Variants in GPC1 observed in about 807,000 individuals in gnomAD.
GPC1 encodes the protein glypican-1.
A neutral mutation model predicts 51.5 loss-of-function variants in GPC1; 26 were observed. The observed-to-expected ratio is 0.50, with a 90% confidence interval of 0.37 to 0.70. GPC1 has a LOEUF of 0.70. GPC1 is among the 30% of genes least tolerant of loss of function. The probability of loss-of-function intolerance (pLI) is 0.00; values close to 1 mark genes in which losing one functional copy is unlikely to be tolerated. For synonymous variants in GPC1, 380 were observed against 348.3 expected, an observed-to-expected ratio of 1.09 and a Z score of -1.01; for missense variants, 775 against 800.5, an observed-to-expected ratio of 0.97 and a Z score of 0.38.
At chr2:240,453,303 G>GC (rs1553546569) in intron 1 of GPC1, among the ~76,000 whole-genome samples, 1 of 5,806 alleles carries the variant, frequency 1.7e-4, no homozygotes, top group Non-Finnish European at 3.4e-4. Context: ...CGGCGTCCCC[G>GC]CCCCGCTCCC....
chr2:240,456,617 T>C (rs1473292948), intron 1 of GPC1: 1 of 470,690 alleles, frequency 2.1e-6, no homozygotes, highest in African/African-American at 2.0e-5. Flanking sequence ...CCGGCTGACC[T>C]GTGCTCTCCT....
intron 4 of GPC1, chr2:240,464,146 A>G (rs1057036966): frequency 4.1e-5 from 9 of 217,100 alleles, no homozygotes; most frequent in African/African-American, 2.0e-4. Context: ...GACAAAATGC[A>G]TGAGCTTTAC....
intron 1 of GPC1, among the ~76,000 whole-genome samples, chr2:240,445,016 G>A (rs889845400): frequency 6.6e-6 from 1 of 152,194 alleles, no homozygotes; most frequent in Non-Finnish European, 1.5e-5. Flanking sequence ...TTGTCATGGA[G>A]CTTGGGACAC....
intron 1 of GPC1, chr2:240,456,200 GTGGCTGACGGCGCC>G (rs1490267958): frequency 3.9e-6 from 1 of 254,686 alleles, no homozygotes; most frequent in Non-Finnish European, 7.8e-6. Flanking sequence ...GGTGTGAGAG[GTGGCTGACGGCGCC>G]GAGGAGCCCC....
At position 240,465,699 on chromosome 2, in the gene GPC1, G is replaced by A. The variant is rs2074255752; in HGVS notation, c.1444+51G>A. The A allele has an allele frequency of 2.6e-6, 4 of 1,525,058 alleles. No homozygotes were observed. In the East Asian group the frequency reaches 6.8e-5, roughly 26 times the overall value. The allele number at this position is 1,525,058 out of a possible 1,614,324, so 94.5% of individuals were successfully genotyped here. On this transcript the variant is annotated intron_variant, in intron 8 of 8. Coordinates refer to ENST00000264039, the MANE Select transcript of GPC1 (RefSeq NM_002081.3). Reference sequence around the variant, plus strand: ...CCAAGGGGCCAGGGTTGGTGGGGGTGCCACAGGGGTGTGACTGCCCTCCGG... The same window carrying A: ...CCAAGGGGCCAGGGTTGGTGGGGGTACCACAGGGGTGTGACTGCCCTCCGG...
chr2:240,466,058 G>C lies in GPC1; in HGVS notation c.1445G>C (p.Ser482Thr). 1 of 1,605,504 alleles carries C rather than the reference G, an allele frequency of 6.2e-7. No homozygotes were observed. Among genetic ancestry groups the C allele is most frequent in the South Asian group, 1.1e-5 (1 of 90,802 alleles). ...NGNDVDFQDA[S>T]DDGSGSGSGD... ...TGCCGGAGCCTCCTCTCCTTCCCAGGTGACGACGGCAGCGGCTCGGGCAGC... is the reference window on the plus strand; with the variant it reads ...TGCCGGAGCCTCCTCTCCTTCCCAGCTGACGACGGCAGCGGCTCGGGCAGC... Residue 482 changes from serine (S) to threonine (T), a missense_variant and splice_region_variant, in exon 9 of 9, where the codon AGT (serine) becomes ACT (threonine). Coordinates refer to ENST00000264039, the MANE Select transcript of GPC1 (RefSeq NM_002081.3).
At chr2:240,456,932 C>T (rs1021832603) in intron 1 of GPC1, among the ~76,000 whole-genome samples, 1 of 152,180 alleles carries the variant, frequency 6.6e-6, no homozygotes, top group Admixed American at 6.5e-5. Context: ...CCCCAGGGCT[C>T]TCAGAGCCGG....
intron 1 of GPC1, chr2:240,458,161 C>G (rs935812115): frequency 6.7e-6 from 3 of 449,368 alleles, no homozygotes; most frequent in African/African-American, 6.1e-5. Flanking sequence ...ATTGCGGCAG[C>G]CTTCATCACA....
At chr2:240,447,082 C>T (rs562583033) in intron 1 of GPC1, among the ~76,000 whole-genome samples, 9 of 152,260 alleles carry the variant, frequency 5.9e-5, no homozygotes, top group Admixed American at 2.6e-4. Context: ...GGCTTCACCC[C>T]GTTTCTGAGT....
chr2:240,461,663 GAAGAC>G (rs899049075), intron 2 of GPC1, among the ~76,000 whole-genome samples: 74 of 152,186 alleles, frequency 4.9e-4, no homozygotes, highest in African/African-American at 1.7e-3. Context: ...GAAGCTGAGA[GAAGAC>G]AAGAAGCCTA....
intron 4 of GPC1, chr2:240,464,409 G>T: frequency 1.7e-6 from 1 of 598,062 alleles, no homozygotes. Context: ...CGTGGCACAG[G>T]TGCACACGTG....
At chr2:240,452,896 C>T (rs1201870883) in intron 1 of GPC1, 1 of 261,874 alleles carries the variant, frequency 3.8e-6, no homozygotes, top group Admixed American at 5.0e-5. Context: ...GCCCTCGTCC[C>T]CCGCTGGCTT....
rs770457512 is a variant in GPC1 at position 240,462,237 on chromosome 2, C to A, written c.372C>A (p.Ala124=). 2.5e-6 allele frequency: 4 copies of A among 1,610,254 alleles called. No individual in the cohort carries two copies. In the African/African-American group the frequency reaches 4.0e-5, roughly 16 times the overall value. The change falls in exon 3 of 9, where the codon GCC becomes GCA. Residue 124 remains alanine, a synonymous_variant. Coordinates refer to ENST00000264039, the MANE Select transcript of GPC1 (RefSeq NM_002081.3). ...LLNDSERTLQ[A]TFPGAFGELY... ...ACGACTCGGAGCGGACGCTGCAGGCCACCTTCCCCGGCGCCTTCGGAGAGC... is the reference window on the plus strand; with the variant it reads ...ACGACTCGGAGCGGACGCTGCAGGCAACCTTCCCCGGCGCCTTCGGAGAGC...
chr2:240,444,685 A>G (rs1249540311), intron 1 of GPC1, among the ~76,000 whole-genome samples: 1 of 152,144 alleles, frequency 6.6e-6, no homozygotes, highest in African/African-American at 2.4e-5. Context: ...TGCGTCACAG[A>G]GCTGTGGCCT....
chr2:240,463,578 G>C, intron 4 of GPC1, 66 bp downstream of exon 4: 1 of 1,429,212 alleles, frequency 7.0e-7, no homozygotes, highest in East Asian at 2.3e-5. Context: ...GGGTCCTGGG[G>C]GGCGGGTGGT....
chr2:240,456,954 A>G (rs111375253), intron 1 of GPC1, among the ~76,000 whole-genome samples: 1,520 of 151,268 alleles, frequency 0.01, 17 homozygotes, highest in East Asian at 0.035. Context: ...CTCTGTCCTC[A>G]CCCCAGCTGG....
At chr2:240,443,220 A>C (rs2074029447) in intron 1 of GPC1, among the ~76,000 whole-genome samples, 1 of 152,188 alleles carries the variant, frequency 6.6e-6, no homozygotes, top group African/African-American at 2.4e-5. Context: ...CCAGGCTGGG[A>C]GAGTCGTGGT....
rs149321098 is a variant in GPC1, at chr2:240,445,109, C to T, written c.166+9025C>T. Among the ~76,000 whole-genome samples, 56 of 152,304 alleles carry T rather than the reference C, an allele frequency of 3.7e-4. 1 individual carries two copies. In the East Asian group the frequency reaches 5.8e-3, roughly 16 times the overall value. ...GTTCCTGAACGCGATGCCCCCTCCC[C>T]GAGCCTGGCGGGGGGCTGTACACAG... On this transcript the variant is annotated intron_variant, in intron 1 of 8. Transcript: ENST00000264039.
chr2:240,445,601 C>G (rs887033899), intron 1 of GPC1, among the ~76,000 whole-genome samples: 6 of 152,186 alleles, frequency 3.9e-5, no homozygotes, highest in African/African-American at 1.2e-4. Flanking sequence ...GAGGGTTGTT[C>G]TAGATGCATC....
Sources: allele counts gnomAD v4.1 joint callset (sites outside exome capture counted in the v4.1 genomes callset), GRCh38; gene constraint gnomAD v4.1.1; transcripts MANE v1.5; gene names NCBI Gene and HGNC (gene_info 2026-07-23, HGNC 2026-07-21).